The following CSMD1 variants were observed in gnomAD, a reference collection of about 807,000 sequenced individuals.
The protein encoded by CSMD1 is CUB and sushi domain-containing protein 1.
CSMD1 carries 213 observed loss-of-function variants against 417.5 expected under a neutral mutation model. That is an observed-to-expected ratio of 0.51 (90% CI 0.46 to 0.57). The LOEUF is 0.57. Among genes scored for constraint, CSMD1 ranks in the 20% least tolerant of loss-of-function variants. The pLI is 0.00. For missense variants in CSMD1, 6,923 were observed against 4,529.7 expected (o/e 1.53, Z -15.17); for synonymous variants, 2,862 against 1,736.8 (o/e 1.65, Z -16.11).
In CSMD1 at chr8:4,994,539, C is replaced by T. The variant is rs1388948739; in HGVS notation, c.-123G>A. 2.3e-6 allele frequency: 2 copies of T among 856,820 alleles called. No individual in the cohort carries two copies. The highest frequency in any genetic ancestry group is 4.3e-5 in the Admixed American group (2 of 46,380). 53.1% of individuals were successfully genotyped at this position (856,820 alleles called of 1,614,324 possible). On this transcript the variant is annotated 5_prime_UTR_variant, in exon 1 of 70. Coordinates refer to ENST00000635120, the MANE Select transcript of CSMD1 (RefSeq NM_033225.6). ...CGGAGAGAGAGCCCGGTCCCAAGACCCGCCGCGCATCCGACGCCTCCTGAA... is the reference window on the plus strand; with the variant it reads ...CGGAGAGAGAGCCCGGTCCCAAGACTCGCCGCGCATCCGACGCCTCCTGAA...
intron 2 of CSMD1, among the ~76,000 whole-genome samples, chr8:4,602,864 T>C (rs2130769192): frequency 6.6e-6 from 1 of 152,036 alleles, no homozygotes; most frequent in Non-Finnish European, 1.5e-5. Flanking sequence ...AATCTTTTAT[T>C]ATAATTATAT....
chr8:3,318,744 T>C (rs1413422447), intron 23 of CSMD1, among the ~76,000 whole-genome samples: 2 of 152,070 alleles, frequency 1.3e-5, no homozygotes, highest in African/African-American at 4.8e-5. Context: ...AGTGTCACGG[T>C]TCCTTCTGCA....
chr8:4,718,634 A>G (rs1333034072), intron 1 of CSMD1, among the ~76,000 whole-genome samples: 1 of 152,132 alleles, frequency 6.6e-6, no homozygotes, highest in African/African-American at 2.4e-5. Context: ...TTTAAACTGG[A>G]AAACCAAATA....
In CSMD1 at chr8:3,711,188, TGAG is replaced by T. The variant is rs748737748; in HGVS notation, c.932-2700_932-2698del. On this transcript the variant is annotated intron_variant, in intron 6 of 69. Coordinates refer to ENST00000635120, the MANE Select transcript of CSMD1 (RefSeq NM_033225.6). The stretch of plus-strand genomic sequence containing the variant: ...GAGACTGGAAGGAACATACAAACTT[TGAG>T]GAGCTTTTCCCAACAGTGTAGCTTA... 3.9e-5 allele frequency among the ~76,000 whole-genome samples: 6 copies of T among 152,242 alleles called. No homozygotes were observed. In the East Asian group the frequency reaches 1.2e-3, roughly 29 times the overall value.
intron 6 of CSMD1, among the ~76,000 whole-genome samples, chr8:3,718,974 C>T (rs775968000): frequency 3.9e-5 from 6 of 151,990 alleles, no homozygotes; most frequent in East Asian, 1.9e-4. Context: ...GATAAGAAAG[C>T]GCAAAGGGGG....
intron 54 of CSMD1, among the ~76,000 whole-genome samples, chr8:2,981,895 G>T (rs748724860): frequency 1.3e-5 from 2 of 152,118 alleles, no homozygotes; most frequent in Non-Finnish European, 2.9e-5. Context: ...GCATTCCTTG[G>T]TGACAGGAAT....
chr8:4,053,875 T>A (rs929742460), intron 3 of CSMD1, among the ~76,000 whole-genome samples: 3 of 152,182 alleles, frequency 2.0e-5, no homozygotes, highest in African/African-American at 4.8e-5. Context: ...ATACATGAAA[T>A]TAGTTGCTAT....
At chr8:4,947,750 T>C (rs984530319) in intron 1 of CSMD1, among the ~76,000 whole-genome samples, 3 of 152,114 alleles carry the variant, frequency 2.0e-5, no homozygotes, top group Non-Finnish European at 1.5e-5. Context: ...TGATACATTA[T>C]AAAACTAGTG....
At chr8:3,523,836 C>G (rs1797625003) in intron 10 of CSMD1, among the ~76,000 whole-genome samples, 1 of 150,310 alleles carries the variant, frequency 6.7e-6, no homozygotes. Flanking sequence ...CATGCACACC[C>G]AGAGACACAT....
Position 4,217,751 on chromosome 8 carries a change from G to A in CSMD1, c.416-185652C>T, listed in dbSNP as rs550528338. Among the ~76,000 whole-genome samples the A allele has an allele frequency of 5.3e-5, 8 of 152,214 alleles. No homozygotes were observed. The East Asian group carries it at 1.4e-3, about 26-fold the overall frequency. On this transcript the variant is annotated intron_variant, in intron 3 of 69. Coordinates refer to ENST00000635120, the MANE Select transcript of CSMD1 (RefSeq NM_033225.6). ...ACTTCTATACTCTACGGTGTTATAGGATACTGGAACATTTAGGGCAGGATT... is the reference window on the plus strand; with the variant it reads ...ACTTCTATACTCTACGGTGTTATAGAATACTGGAACATTTAGGGCAGGATT...
chr8:3,522,062 T>C (rs1797532009), intron 10 of CSMD1, among the ~76,000 whole-genome samples: 1 of 152,240 alleles, frequency 6.6e-6, no homozygotes, highest in African/African-American at 2.4e-5. Flanking sequence ...ATTTTTCTCC[T>C]TATAGATATT....
intron 7 of CSMD1, among the ~76,000 whole-genome samples, chr8:3,688,679 A>G (rs562864469): frequency 4.6e-5 from 7 of 152,208 alleles, no homozygotes; most frequent in Non-Finnish European, 1.0e-4. Context: ...GCAGTTCTGC[A>G]ATATTTCTGT....
At chr8:4,188,503 A>G (rs1313024770) in intron 3 of CSMD1, among the ~76,000 whole-genome samples, 1 of 152,094 alleles carries the variant, frequency 6.6e-6, no homozygotes, top group East Asian at 1.9e-4. Flanking sequence ...CCTGGTCACA[A>G]AAGATGACTT....
intron 1 of CSMD1, among the ~76,000 whole-genome samples, chr8:4,655,372 G>C (rs541614330): frequency 1.3e-5 from 2 of 152,104 alleles, no homozygotes; most frequent in South Asian, 2.1e-4. Flanking sequence ...GCTTCCAGGA[G>C]ACCAAACAAA....
intron 1 of CSMD1, among the ~76,000 whole-genome samples, chr8:4,883,872 T>C (rs571662580): frequency 6.6e-5 from 10 of 152,220 alleles, no homozygotes; most frequent in African/African-American, 1.9e-4. Context: ...CTGGGTCATA[T>C]GGTAACTTTA....
intron 1 of CSMD1, among the ~76,000 whole-genome samples, chr8:4,764,459 G>A (rs967949078): frequency 6.6e-6 from 1 of 151,942 alleles, no homozygotes; most frequent in Non-Finnish European, 1.5e-5. Context: ...TTACGTTATC[G>A]TCTGTATTCT....
intron 29 of CSMD1, among the ~76,000 whole-genome samples, chr8:3,219,016 A>G (rs1798047276): frequency 6.6e-6 from 1 of 152,226 alleles, no homozygotes; most frequent in Admixed American, 6.5e-5. Context: ...ATTTATTTTT[A>G]TATGGCCATG....
intron 23 of CSMD1, among the ~76,000 whole-genome samples, chr8:3,316,698 G>A (rs1345131642): frequency 2.0e-5 from 3 of 152,222 alleles, no homozygotes; most frequent in African/African-American, 7.2e-5. Flanking sequence ...CGGTTGTGAT[G>A]GAGACAGGGA....
intron 10 of CSMD1, among the ~76,000 whole-genome samples, chr8:3,572,290 G>C (rs979613090): frequency 6.6e-6 from 1 of 152,162 alleles, no homozygotes; most frequent in Non-Finnish European, 1.5e-5. Flanking sequence ...GCAGAGCCTG[G>C]GGCAGAAAGC....
Sources: allele counts gnomAD v4.1 joint callset (sites outside exome capture counted in the v4.1 genomes callset), GRCh38; gene constraint gnomAD v4.1.1; transcripts MANE v1.5; gene names NCBI Gene and HGNC (gene_info 2026-07-23, HGNC 2026-07-21).